Variants in CHL1 observed in about 807,000 individuals in gnomAD.
The protein encoded by CHL1 is cell adhesion molecule L1 like, also known as neural cell adhesion molecule L1-like protein.
Under a neutral mutation model 141.9 loss-of-function variants are expected in CHL1, and 96 were observed. That is an observed-to-expected ratio of 0.68 (90% CI 0.57 to 0.80). The LOEUF is 0.80. Among genes scored for constraint, CHL1 ranks in the 30% least tolerant of loss-of-function variants. The pLI is 0.00. For missense variants in CHL1, 1,820 were observed against 1,457.2 expected, an observed-to-expected ratio of 1.25 and a Z score of -4.05; for synonymous variants, 613 against 502.2, an observed-to-expected ratio of 1.22 and a Z score of -2.95.
rs368022705 is a variant in CHL1, at chr3:382,497, A to G, written c.2002A>G (p.Asn668Asp). The change falls in exon 18 of 28, where the codon AAC becomes GAC. Residue 668 changes from asparagine (N) to aspartate (D), a missense_variant. Asn to Asp is a conservative substitution (Grantham distance 23). Transcript: ENST00000256509. Reference sequence around the variant, plus strand: ...AGAGTATATTGTTGAATTTGAAGGAAACAAAGAAGAGCCTGGAAGGTGGGA... The same window carrying G: ...AGAGTATATTGTTGAATTTGAAGGAGACAAAGAAGAGCCTGGAAGGTGGGA... ...ISEYIVEFEGNKEEPGRWEEL... is the reference protein window; with the variant it reads ...ISEYIVEFEGDKEEPGRWEEL... 4.9e-5 allele frequency: 79 copies of G among 1,613,682 alleles called. No homozygotes were observed. Among genetic ancestry groups the G allele is most frequent in the Non-Finnish European group, 6.3e-5 (74 of 1,179,706 alleles).
intron 22 of CHL1, 59 bp downstream of exon 22, chr3:391,218 A>C: frequency 1.5e-6 from 2 of 1,362,256 alleles, no homozygotes; most frequent in Non-Finnish European, 2.1e-6. Flanking sequence ...GGCCATATTA[A>C]ACATTCTTCC....
chr3:394,809 G>C lies in CHL1; in HGVS notation c.3031G>C (p.Ala1011Pro). 1.2e-6 allele frequency: 2 copies of C among 1,614,046 alleles called. No homozygotes were observed. The highest frequency in any genetic ancestry group is 1.1e-5 in the South Asian group (1 of 91,078). The change falls in exon 24 of 28, where the codon GCT (alanine) becomes CCT (proline). Residue 1011 changes from alanine to proline, a missense_variant. By Grantham distance (27) the Ala-to-Pro change is conservative. Transcript: ENST00000256509. Reference sequence around the variant, plus strand: ...TACCAAGTACAAATTCTACTTGAGGGCTTGCACTTCACAGGGCTGTGGAAA... The same window carrying C: ...TACCAAGTACAAATTCTACTTGAGGCCTTGCACTTCACAGGGCTGTGGAAA... ...ATTKYKFYLR[A>P]CTSQGCGKPI...
At chr3:225,968 C>CAG (rs1394460409) in intron 1 of CHL1, among the ~76,000 whole-genome samples, 2 of 151,612 alleles carry the variant, frequency 1.3e-5, no homozygotes. Context: ...GAGATAGCAC[C>CAG]AGTGCACTTC....
intron 1 of CHL1, among the ~76,000 whole-genome samples, chr3:231,347 C>T (rs971450746): frequency 6.6e-6 from 1 of 152,040 alleles, no homozygotes; most frequent in Non-Finnish European, 1.5e-5. Flanking sequence ...CTCATCATTA[C>T]CACTGCCACT....
intron 5 of CHL1, among the ~76,000 whole-genome samples, chr3:333,720 T>C (rs981635525): frequency 5.3e-5 from 8 of 152,174 alleles, no homozygotes; most frequent in Admixed American, 3.9e-4. Flanking sequence ...TCCAGAAATA[T>C]ACATCCTGTG....
chr3:244,439 CT>C (rs1416049683), intron 1 of CHL1, among the ~76,000 whole-genome samples, 173 bp from the exon 2 acceptor site: 5 of 152,066 alleles, frequency 3.3e-5, no homozygotes, highest in Admixed American at 3.3e-4. Context: ...CGCAGGACCC[CT>C]TTTTTAGCAA....
chr3:305,615 G>A (rs9637438), intron 2 of CHL1, among the ~76,000 whole-genome samples: 13,975 of 151,270 alleles, frequency 0.092, 946 homozygotes, highest in East Asian at 0.32. Flanking sequence ...CCTATAACTT[G>A]CTTTTTTCAC....
chr3:269,510 T>A (rs1695449604), intron 2 of CHL1, among the ~76,000 whole-genome samples: 1 of 151,942 alleles, frequency 6.6e-6, no homozygotes, highest in South Asian at 2.1e-4. Context: ...GTTCTGTAGA[T>A]AAAAAAGACT....
At chr3:207,528 A>C (rs1699540414) in intron 1 of CHL1, among the ~76,000 whole-genome samples, 1 of 152,254 alleles carries the variant, frequency 6.6e-6, no homozygotes, top group Admixed American at 6.5e-5. Context: ...TTAAGGCATC[A>C]TACAATGGCA....
chr3:281,185 C>T (rs1696619780), intron 2 of CHL1, among the ~76,000 whole-genome samples: 1 of 152,122 alleles, frequency 6.6e-6, no homozygotes, highest in Non-Finnish European at 1.5e-5. Flanking sequence ...TTTCAAGGGC[C>T]CTCAGGTTGA....
At chr3:405,430 G>C (rs1251847525) in intron 27 of CHL1, 65 bp from the exon 28 acceptor site, 4 of 1,068,780 alleles carry the variant, frequency 3.7e-6, no homozygotes, top group Non-Finnish European at 5.7e-6. Flanking sequence ...ACTTATGACT[G>C]TGTTGCTTTA....
intron 1 of CHL1, among the ~76,000 whole-genome samples, chr3:233,369 C>T (rs1702028194): frequency 6.6e-6 from 1 of 152,140 alleles, no homozygotes; most frequent in African/African-American, 2.4e-5. Flanking sequence ...TACCAGCCCC[C>T]AACCCCAACA....
chr3:312,591 C>A (rs1699840543), intron 2 of CHL1, among the ~76,000 whole-genome samples: 1 of 152,160 alleles, frequency 6.6e-6, no homozygotes, highest in African/African-American at 2.4e-5. Flanking sequence ...ACCTCCTCCC[C>A]ATAAGAACTG....
chr3:343,463 T>C (rs530014678), intron 8 of CHL1, among the ~76,000 whole-genome samples: 7 of 152,340 alleles, frequency 4.6e-5, no homozygotes, highest in Non-Finnish European at 8.8e-5. Flanking sequence ...CATGCAACTG[T>C]ACATTGTGGC....
At chr3:330,989 T>G (rs2125091093) in intron 5 of CHL1, among the ~76,000 whole-genome samples, 1 of 152,260 alleles carries the variant, frequency 6.6e-6, no homozygotes, top group South Asian at 2.1e-4. Flanking sequence ...CTCTTTACTT[T>G]GAACTAAACA....
chr3:198,547 CAAT>C (rs1698619041), intron 1 of CHL1, among the ~76,000 whole-genome samples: 1 of 152,294 alleles, frequency 6.6e-6, no homozygotes, highest in South Asian at 2.1e-4. Flanking sequence ...TTCCCTTTCT[CAAT>C]AATACGGAGA....
At chr3:275,134 T>C (rs929213730) in intron 2 of CHL1, among the ~76,000 whole-genome samples, 2 of 152,260 alleles carry the variant, frequency 1.3e-5, no homozygotes, top group African/African-American at 4.8e-5. Context: ...ACCTATTTAC[T>C]AGTGATGAAA....
chr3:389,878 G>A (rs974487616), intron 20 of CHL1, among the ~76,000 whole-genome samples: 1 of 152,068 alleles, frequency 6.6e-6, no homozygotes, highest in Non-Finnish European at 1.5e-5. Flanking sequence ...GGCATGTCTG[G>A]AGCTTTCCTA....
intron 19 of CHL1, among the ~76,000 whole-genome samples, chr3:387,991 G>T (rs1206123047): frequency 6.6e-6 from 1 of 152,152 alleles, no homozygotes; most frequent in Non-Finnish European, 1.5e-5. Flanking sequence ...AGTTGAGAAG[G>T]ATTACAGATT....
Sources: allele counts gnomAD v4.1 joint callset (sites outside exome capture counted in the v4.1 genomes callset), GRCh38; gene constraint gnomAD v4.1.1; transcripts MANE v1.5; gene names NCBI Gene and HGNC (gene_info 2026-07-23, HGNC 2026-07-21).